Variants in AHCTF1 observed in about 807,000 individuals in gnomAD.
The protein encoded by AHCTF1 is AT-hook containing transcription factor 1.
In AHCTF1, 24 loss-of-function variants were observed where a neutral mutation model predicts 248.4. The observed-to-expected ratio is 0.10, with a 90% CI of 0.07 to 0.14. The LOEUF (loss-of-function observed/expected upper bound fraction) is 0.14. AHCTF1 is among the 10% of genes least tolerant of loss of function. AHCTF1 has a pLI of 1.00. For missense variants in AHCTF1, 2,206 were observed against 2,636.2 expected, an observed-to-expected ratio of 0.84 and a Z score of 3.57; for synonymous variants, 786 against 929.8, an observed-to-expected ratio of 0.85 and a Z score of 2.81.
intron 1 of AHCTF1, among the ~76,000 whole-genome samples, chr1:246,926,671 C>G (rs1558286753): frequency 6.6e-6 from 1 of 152,016 alleles, no homozygotes; most frequent in African/African-American, 2.4e-5. Context: ...GCCTCACTAA[C>G]AGGGTGAAAT....
At chr1:246,914,102 T>C (rs1001341213) in intron 3 of AHCTF1, among the ~76,000 whole-genome samples, 1 of 152,196 alleles carries the variant, frequency 6.6e-6, no homozygotes, top group Non-Finnish European at 1.5e-5. Context: ...GAGTCATATT[T>C]TTCCCCTTCA....
rs1665083686 is a variant in AHCTF1 at position 246,902,612 on chromosome 1, C to G, written c.1030G>C (p.Gly344Arg). ...AACAATTTGGTATTACTCGTCTGTC[C>G]CCTCAAAGGGAACATGCCACCTGTC... is the stretch of plus-strand genomic sequence containing the variant. ...DLTGGMFPLR[G>R]QTSNTKLLGC... Residue 344 changes from glycine (G) to arginine (R), a missense_variant, in exon 8 of 36, where the codon GGA (glycine) becomes CGA (arginine). This residue lies in a region of AHCTF1 where 650 missense variants were observed against 870.8 expected (regional missense o/e 0.75). Coordinates refer to ENST00000648844, the MANE Select transcript of AHCTF1 (RefSeq NM_001323342.2). 1 of 1,612,762 alleles carries G rather than the reference C, an allele frequency of 6.2e-7. No individual in the cohort carries two copies. Among genetic ancestry groups the G allele is most frequent in the Non-Finnish European group, 8.5e-7 (1 of 1,179,822 alleles).
In AHCTF1 at chr1:246,841,055, T is replaced by C. The variant is rs553872535; in HGVS notation, c.6609-57A>G. 313 of 1,471,896 alleles carry C rather than the reference T, an allele frequency of 2.1e-4. 2 individuals are homozygous for C. The African/African-American group carries it at 3.0e-3, about 14-fold the overall frequency. The allele number at this position is 1,471,896 out of a possible 1,614,324, so 91.2% of individuals were successfully genotyped here. ...AAACACATTATGCTATAAAATAAAA[T>C]TGGCTTCCCAACATGTTGAGAAAAA... On this transcript the variant is annotated intron_variant, in intron 35 of 35. Transcript: ENST00000648844.
In AHCTF1 at chr1:246,861,091, A is replaced by T. The variant is rs757335600; in HGVS notation, c.3940T>A (p.Ser1314Thr). The change falls in exon 29 of 36, where the codon TCC (serine) becomes ACC (threonine). Residue 1314 changes from serine (S) to threonine (T), a missense_variant. Around this residue, in one of 6 missense-constraint regions of AHCTF1, gnomAD observed 955 missense variants for 1,055.6 expected, o/e 0.90. Coordinates refer to ENST00000648844, the MANE Select transcript of AHCTF1 (RefSeq NM_001323342.2). ...TGATACTCTAAGGTAGTCTCATCGG[A>T]TGTGATTGAAACACTGCTGTTTCCT... ...SKGNSSVSITSDETTLEYQDA... is the reference protein window; with the variant it reads ...SKGNSSVSITTDETTLEYQDA... 4.3e-6 allele frequency: 7 copies of T among 1,614,020 alleles called. No individual in the cohort carries two copies. In the South Asian group the frequency reaches 7.7e-5, roughly 18 times the overall value.
chr1:246,860,714 C>T (rs1661475150), intron 29 of AHCTF1, among the ~76,000 whole-genome samples, 185 bp downstream of exon 29: 2 of 152,130 alleles, frequency 1.3e-5, no homozygotes, highest in South Asian at 2.1e-4. Flanking sequence ...CTATGTTGAC[C>T]AGGCTGGTCT....
At chr1:246,854,216 G>A (rs1022987515) in intron 31 of AHCTF1, among the ~76,000 whole-genome samples, 5 of 150,964 alleles carry the variant, frequency 3.3e-5, no homozygotes, top group Admixed American at 2.6e-4. Context: ...GGAGAATAGC[G>A]TGAGCCTGGG....
rs1665083039 is a variant in AHCTF1, at chr1:246,902,608, T to C, written c.1034A>G (p.Gln345Arg). 1.2e-6 allele frequency: 2 copies of C among 1,612,970 alleles called. No homozygotes were observed. ...TCCCAACAATTTGGTATTACTCGTCTGTCCCCTCAAAGGGAACATGCCACC... is the reference window on the plus strand; with the variant it reads ...TCCCAACAATTTGGTATTACTCGTCCGTCCCCTCAAAGGGAACATGCCACC... ...LTGGMFPLRG[Q>R]TSNTKLLGCQ... The change falls in exon 8 of 36, where the codon CAG becomes CGG. Residue 345 changes from glutamine to arginine, a missense_variant. Around this residue, in one of 6 missense-constraint regions of AHCTF1, gnomAD observed 650 missense variants for 870.8 expected, o/e 0.75. Transcript: ENST00000648844.
intron 1 of AHCTF1, among the ~76,000 whole-genome samples, chr1:246,924,357 T>C (rs1025077537): frequency 4.6e-5 from 7 of 152,228 alleles, no homozygotes; most frequent in African/African-American, 1.7e-4. Flanking sequence ...TAAACAGAGA[T>C]ATCTGAAATA....
rs774852031 is a variant in AHCTF1, at chr1:246,840,929, G to A, written c.6678C>T (p.Ser2226=). Residue 2226 remains serine (S), a synonymous_variant, in exon 36 of 36, where the codon AGC becomes AGT. Coordinates refer to ENST00000648844, the MANE Select transcript of AHCTF1 (RefSeq NM_001323342.2). ...IEIRLISPLA[S]PADGVKSKPR... is the part of the protein sequence containing the mutation. ...GTTTGCTCTTGACTCCGTCAGCTGG[G>A]CTAGCCAAGGGGGAAATCAGCCGAA... is the stretch of plus-strand genomic sequence containing the variant. 6 of 1,612,756 alleles carry A rather than the reference G, an allele frequency of 3.7e-6. No individual in the cohort carries two copies. The highest frequency in any genetic ancestry group is 4.2e-6 in the Non-Finnish European group (5 of 1,179,458).
In AHCTF1 at chr1:246,844,837, A is replaced by G. The variant is rs144114580; in HGVS notation, c.6392-909T>C. 1.5e-4 allele frequency among the ~76,000 whole-genome samples: 22 copies of G among 150,238 alleles called. No homozygotes were observed. In the East Asian group the frequency reaches 3.7e-3, roughly 25 times the overall value. On this transcript the variant is annotated intron_variant, in intron 33 of 35. Coordinates refer to ENST00000648844, the MANE Select transcript of AHCTF1 (RefSeq NM_001323342.2). ...TTTTTTTTTTAACTATAGGGCCCCC[A>G]TATTAAAAGCAATTATCAATATAAT...
At chr1:246,869,079 CGT>C (rs1662330661) in intron 24 of AHCTF1, among the ~76,000 whole-genome samples, 1 of 150,374 alleles carries the variant, frequency 6.7e-6, no homozygotes, top group Non-Finnish European at 1.5e-5. Flanking sequence ...CTCCTGACCT[CGT>C]GATCCGCCCG....
intron 26 of AHCTF1, 77 bp from the exon 27 acceptor site, chr1:246,864,193 A>G (rs1572383026): frequency 7.3e-7 from 1 of 1,377,488 alleles, no homozygotes; most frequent in Non-Finnish European, 1.0e-6. Context: ...TCAGACCTCT[A>G]TATTCACTGG....
At position 246,841,001 on chromosome 1, in the gene AHCTF1, GAA is replaced by G; in HGVS notation, c.6609-5_6609-4del. 1 of 1,568,804 alleles carries G rather than the reference GAA, an allele frequency of 6.4e-7. No individual in the cohort carries two copies. The highest frequency in any genetic ancestry group is 1.2e-5 in the South Asian group (1 of 84,098). On this transcript the variant is annotated splice_polypyrimidine_tract_variant and splice_region_variant and intron_variant, in intron 35 of 35. Transcript: ENST00000648844. The stretch of plus-strand genomic sequence containing the variant: ...AAGCACTTTCTTTTTCTGTGTTTCT[GAA>G]AAAAAAAGATATGATCAAGTAAGAA...
chr1:246,865,738 A>G (rs1030394592), intron 26 of AHCTF1, among the ~76,000 whole-genome samples: 4 of 144,498 alleles, frequency 2.8e-5, no homozygotes, highest in Non-Finnish European at 6.0e-5. Context: ...CTGTATCATC[A>G]AGACTTAATA....
chr1:246,855,801 A>G lies in AHCTF1; in HGVS notation c.4283T>C (p.Val1428Ala), dbSNP rs748997494. Reference protein sequence around the residue: ...EGKIFTQKSKVPVLDEGLTSV... With the variant: ...EGKIFTQKSKAPVLDEGLTSV... ...TGTTAATCCTTCGTCCAACACTGGTACCTTGGACTTCTGGGTGAAGATTTT... is the reference window on the plus strand; with the variant it reads ...TGTTAATCCTTCGTCCAACACTGGTGCCTTGGACTTCTGGGTGAAGATTTT... Residue 1428 changes from valine to alanine, a missense_variant, in exon 31 of 36, where the codon GTA becomes GCA. This residue lies in a region of AHCTF1 where 955 missense variants were observed against 1,055.6 expected (regional missense o/e 0.90). Transcript: ENST00000648844. 1 of 1,613,272 alleles carries G rather than the reference A, an allele frequency of 6.2e-7. No individual in the cohort carries two copies. Among genetic ancestry groups the G allele is most frequent in the Non-Finnish European group, 8.5e-7 (1 of 1,179,632 alleles).
intron 4 of AHCTF1, 75 bp downstream of exon 4, chr1:246,913,157 T>A (rs994050723): frequency 1.4e-5 from 18 of 1,311,296 alleles, no homozygotes; most frequent in African/African-American, 3.0e-5. Flanking sequence ...TATAAAAAAA[T>A]TTGGCTACTT....
At chr1:246,931,139 C>A in intron 1 of AHCTF1, 1 of 1,550,208 alleles carries the variant, frequency 6.5e-7, no homozygotes, top group Non-Finnish European at 8.7e-7. Context: ...TGTGGCCAGG[C>A]CCAAGCGCAT....
chr1:246,879,542 G>A (rs2103112026), intron 21 of AHCTF1, among the ~76,000 whole-genome samples: 1 of 152,218 alleles, frequency 6.6e-6, no homozygotes, highest in Non-Finnish European at 1.5e-5. Flanking sequence ...TAATAATTAG[G>A]GCAAGGTGTG....
intron 4 of AHCTF1, among the ~76,000 whole-genome samples, chr1:246,912,269 G>C (rs1207912755): frequency 6.6e-6 from 1 of 151,632 alleles, no homozygotes; most frequent in African/African-American, 2.4e-5. Flanking sequence ...AAGGTCAAGA[G>C]ATCGAGACCA....
Sources: gnomAD v4.1 joint callset for allele counts (sites outside exome capture counted in the v4.1 genomes callset) on GRCh38, gnomAD v4.1.1 for gene constraint, gnomAD v4.1.1 regional missense constraint, MANE v1.5 for transcripts, NCBI Gene and HGNC (gene_info 2026-07-23, HGNC 2026-07-21) for gene names.